Variants in CRIM1 observed in about 807,000 individuals in gnomAD.
The protein encoded by CRIM1 is cysteine-rich motor neuron 1 protein.
Under a neutral mutation model 116.4 loss-of-function variants are expected in CRIM1, and 32 were observed. The observed-to-expected ratio is 0.27, with a 90% CI of 0.21 to 0.37. The LOEUF is 0.37. CRIM1 is among the 10% of genes least tolerant of loss of function. The pLI is 1.00. For missense variants in CRIM1, 1,331 were observed against 1,354.8 expected (o/e 0.98, Z 0.28); for synonymous variants, 590 against 509.2 (o/e 1.16, Z -2.13).
intron 4 of CRIM1, among the ~76,000 whole-genome samples, chr2:36,459,143 G>C (rs1342899785): frequency 1.3e-5 from 2 of 151,906 alleles, no homozygotes; most frequent in Non-Finnish European, 2.9e-5. Context: ...CAGGCTTTGC[G>C]CATCTAGGCA....
chr2:36,429,096 A>C (rs113923900), intron 2 of CRIM1, among the ~76,000 whole-genome samples: 26 of 152,276 alleles, frequency 1.7e-4, no homozygotes, highest in African/African-American at 6.0e-4. Flanking sequence ...ATGGGCAAAA[A>C]AGCTGAAAGG....
At chr2:36,447,204 C>T (rs1454452504) in intron 4 of CRIM1, among the ~76,000 whole-genome samples, 1 of 152,134 alleles carries the variant, frequency 6.6e-6, no homozygotes, top group Non-Finnish European at 1.5e-5. Flanking sequence ...GTACAAGAGA[C>T]AGAGCAGGTT....
At chr2:36,411,830 G>C (rs138247798) in intron 2 of CRIM1, among the ~76,000 whole-genome samples, 1 of 152,048 alleles carries the variant, frequency 6.6e-6, no homozygotes, top group African/African-American at 2.4e-5. Flanking sequence ...CCAGTGGTTC[G>C]TTTCTAAGAA....
intron 2 of CRIM1, among the ~76,000 whole-genome samples, chr2:36,439,462 G>T (rs1486095658): frequency 6.6e-6 from 1 of 152,068 alleles, no homozygotes; most frequent in African/African-American, 2.4e-5. Context: ...ATAGTGAACG[G>T]TACAGTCTTG....
chr2:36,534,404 G>A (rs376848753), intron 13 of CRIM1, among the ~76,000 whole-genome samples: 1 of 141,352 alleles, frequency 7.1e-6, no homozygotes, highest in Admixed American at 7.0e-5. Flanking sequence ...AAGGAAGGAA[G>A]GGAAAAATAC....
chr2:36,389,582 GT>G (rs1231830290), intron 1 of CRIM1, among the ~76,000 whole-genome samples: 1 of 152,108 alleles, frequency 6.6e-6, no homozygotes, highest in Non-Finnish European at 1.5e-5. Context: ...CATATTTCTG[GT>G]AAGTGGATTG....
rs1215479172 is a variant in CRIM1, at chr2:36,547,167, C to G, written c.2930C>G (p.Thr977Ser). The G allele has an allele frequency of 3.7e-6, 6 of 1,609,996 alleles. No homozygotes were observed. The highest frequency in any genetic ancestry group is 5.1e-6 in the Non-Finnish European group (6 of 1,177,620). ...IPLLCWYRTP[T>S]KPSSLNNQLV... ...CTGCTTTGCTGGTATCGAACACCAA[C>G]TAAGGTACTGTCTTGCAAAAGTTAG... The change falls in exon 16 of 17, where the codon ACT (threonine) becomes AGT (serine). Residue 977 changes from threonine (T) to serine (S), a missense_variant. This residue lies in a region of CRIM1 where 283 missense variants were observed against 242.8 expected (regional missense o/e 1.17). Transcript: ENST00000280527.
At chr2:36,394,852 T>C (rs111787610) in intron 1 of CRIM1, among the ~76,000 whole-genome samples, 1 of 152,202 alleles carries the variant, frequency 6.6e-6, no homozygotes, top group Non-Finnish European at 1.5e-5. Context: ...GCCCTGAAGC[T>C]CTTTATGTAG....
intron 1 of CRIM1, among the ~76,000 whole-genome samples, chr2:36,366,435 T>A (rs1299912210): frequency 2.6e-5 from 4 of 152,112 alleles, no homozygotes; most frequent in African/African-American, 9.7e-5. Context: ...GTTAATTATA[T>A]TGTAGGGTGT....
At chr2:36,509,907 G>C in intron 8 of CRIM1, 76 bp from the exon 9 acceptor site, 2 of 1,328,388 alleles carry the variant, frequency 1.5e-6, no homozygotes, top group Admixed American at 2.1e-5. Context: ...GGAGGATTCA[G>C]GGACCGTATT....
chr2:36,450,923 AAGT>A (rs1676669447), intron 4 of CRIM1, among the ~76,000 whole-genome samples: 1 of 152,196 alleles, frequency 6.6e-6, no homozygotes, highest in South Asian at 2.1e-4. Context: ...TGTTTAGAAG[AAGT>A]TTTCTGGGGT....
At chr2:36,388,861 T>C (rs1391031903) in intron 1 of CRIM1, among the ~76,000 whole-genome samples, 5 of 152,252 alleles carry the variant, frequency 3.3e-5, no homozygotes, top group Non-Finnish European at 7.3e-5. Flanking sequence ...ATATACTTAA[T>C]AACAAATATT....
chr2:36,391,118 A>ATTTT (rs57108558), intron 1 of CRIM1, among the ~76,000 whole-genome samples: 3 of 67,240 alleles, frequency 4.5e-5, no homozygotes, highest in Non-Finnish European at 7.6e-5. Context: ...CCAACTTTTG[A>ATTTT]TTTTTTTTTT....
At chr2:36,434,799 C>CCACTTGAAGAGTAGG (rs1293008196) in intron 2 of CRIM1, among the ~76,000 whole-genome samples, 1 of 152,134 alleles carries the variant, frequency 6.6e-6, no homozygotes, top group Non-Finnish European at 1.5e-5. Context: ...GTCTGTTTTT[C>CCACTTGAAGAGTAGG]CACTTGAAGA....
chr2:36,483,643 C>T (rs570754232), intron 7 of CRIM1, among the ~76,000 whole-genome samples: 4 of 152,268 alleles, frequency 2.6e-5, no homozygotes, highest in African/African-American at 9.6e-5. Flanking sequence ...GAGGCTCCAT[C>T]CCCCTGTAAA....
At chr2:36,505,011 A>G (rs1055882105) in intron 8 of CRIM1, among the ~76,000 whole-genome samples, 2 of 152,232 alleles carry the variant, frequency 1.3e-5, no homozygotes, top group Non-Finnish European at 2.9e-5. Context: ...AAGAGCCTTC[A>G]TATTTTTCAT....
intron 7 of CRIM1, among the ~76,000 whole-genome samples, chr2:36,483,979 G>T (rs1679621439): frequency 6.6e-6 from 1 of 152,212 alleles, no homozygotes; most frequent in African/African-American, 2.4e-5. Context: ...TTATGGAAGT[G>T]TGTGACATGA....
chr2:36,420,322 C>A (rs1673952595), intron 2 of CRIM1, among the ~76,000 whole-genome samples: 1 of 152,066 alleles, frequency 6.6e-6, no homozygotes. Context: ...ATTTAATATA[C>A]CCAAGAATCC....
rs1668839490 is a variant in CRIM1, at chr2:36,356,748, C to A, written c.331+125C>A. 2.2e-6 allele frequency: 2 copies of A among 927,464 alleles called. No homozygotes were observed. Among genetic ancestry groups the A allele is most frequent in the Non-Finnish European group, 3.2e-6 (2 of 633,194 alleles). The allele number at this position is 927,464 out of a possible 1,614,324, so 57.5% of individuals were successfully genotyped here. ...GAGGGCTCTGCGGGAAGAGGGGCGG[C>A]CGCCGCCCCCAGGAGAGTGCCCCCG... On this transcript the variant is annotated intron_variant, in intron 1 of 16. Transcript: ENST00000280527. This position sits in a 1 kb window ranked among gnomAD's most constrained non-coding sequence, Gnocchi z 4.3.
Sources: allele counts gnomAD v4.1 joint callset (sites outside exome capture counted in the v4.1 genomes callset), GRCh38; gene constraint gnomAD v4.1.1; regional missense constraint gnomAD v4.1.1; non-coding constraint Gnocchi (gnomAD v3.1); transcripts MANE v1.5; gene names NCBI Gene and HGNC (gene_info 2026-07-23, HGNC 2026-07-21).